KBTBD12: variants seen among roughly 807,000 people sequenced by gnomAD.
KBTBD12 encodes kelch repeat and BTB domain containing 12.
KBTBD12 carries 53 observed loss-of-function variants against 58.7 expected under a neutral mutation model. The ratio of observed to expected loss-of-function variants is 0.90; its 90% CI spans 0.72 to 1.14. KBTBD12 has a LOEUF of 1.14. Among genes scored for constraint, KBTBD12 ranks in the 50% most tolerant of loss-of-function variants. The probability of loss-of-function intolerance (pLI) is 0.00; values close to 1 mark genes in which losing one functional copy is unlikely to be tolerated. For synonymous variants in KBTBD12, 236 were observed against 259.8 expected, an observed-to-expected ratio of 0.91 and a Z score of 0.88; for missense variants, 704 against 751.3, an observed-to-expected ratio of 0.94 and a Z score of 0.74.
intron 1 of KBTBD12, among the ~76,000 whole-genome samples, chr3:127,919,761 G>T (rs952415172): frequency 6.6e-6 from 1 of 151,652 alleles, no homozygotes; most frequent in Non-Finnish European, 1.5e-5. Flanking sequence ...GAAAATTCAT[G>T]ATGTATCTAT....
chr3:127,963,032 C>T (rs2107610073), intron 4 of KBTBD12, among the ~76,000 whole-genome samples, 157 bp from the exon 5 acceptor site: 1 of 152,332 alleles, frequency 6.6e-6, no homozygotes, highest in Non-Finnish European at 1.5e-5. Flanking sequence ...CAGTAGACAT[C>T]ACTATTGCTT....
At chr3:127,945,215 C>T (rs1266731579) in intron 4 of KBTBD12, among the ~76,000 whole-genome samples, 10 of 95,100 alleles carry the variant, frequency 1.1e-4, no homozygotes, top group Non-Finnish European at 1.9e-4. Context: ...GACGGAGTCT[C>T]GCTCTGTCGC....
At position 127,985,662 on chromosome 3, in the gene KBTBD12, C is replaced by T. The variant is rs1467466475; in HGVS notation, c.*1384C>T. 6.6e-6 allele frequency: 1 copy of T among 152,354 alleles called. No homozygotes were observed. The highest frequency in any genetic ancestry group is 1.5e-5 in the Non-Finnish European group (1 of 68,176). The allele number at this position is 152,354 out of a possible 1,614,324, so 9.4% of individuals were successfully genotyped here. On this transcript the variant is annotated 3_prime_UTR_variant, in exon 6 of 6. Coordinates refer to ENST00000405109, the MANE Select transcript of KBTBD12 (RefSeq NM_207335.4). ...GCAGGACAGGCAGGTCTTGCCAAAA[C>T]TGGAGCCTGTTGGAAACCTATTTCT...
At chr3:127,946,866 C>T (rs1940094732) in intron 4 of KBTBD12, among the ~76,000 whole-genome samples, 1 of 152,150 alleles carries the variant, frequency 6.6e-6, no homozygotes, top group Non-Finnish European at 1.5e-5. Flanking sequence ...GAACTATCTT[C>T]AAGTTCACTT....
At chr3:127,926,397 C>A (rs1048386216) in intron 2 of KBTBD12, among the ~76,000 whole-genome samples, 1 of 152,124 alleles carries the variant, frequency 6.6e-6, no homozygotes, top group Non-Finnish European at 1.5e-5. Flanking sequence ...ATTACAGATA[C>A]CTATTCCTCC....
At chr3:127,956,751 C>T (rs1392778947) in intron 4 of KBTBD12, among the ~76,000 whole-genome samples, 1 of 152,144 alleles carries the variant, frequency 6.6e-6, no homozygotes, top group Non-Finnish European at 1.5e-5. Context: ...AGTTGTACAA[C>T]TATACAATCT....
rs184092172 is a variant in KBTBD12 at position 127,964,400 on chromosome 3, G to A, written c.1690+1014G>A. Among the ~76,000 whole-genome samples the A allele has an allele frequency of 6.9e-3, 1,045 of 151,886 alleles. 10 individuals carry two copies. Among genetic ancestry groups the A allele is most frequent in the African/African-American group, 0.024 (975 of 41,402 alleles). On this transcript the variant is annotated intron_variant, in intron 5 of 5. Coordinates refer to ENST00000405109, the MANE Select transcript of KBTBD12 (RefSeq NM_207335.4). ...TGTAATCCTAGCACTTTGGGAGGCC[G>A]AGGCAGGCAGATCACAAGGTCAGGA...
At chr3:127,925,858 A>G (rs760214951) in intron 2 of KBTBD12, among the ~76,000 whole-genome samples, 1 of 152,198 alleles carries the variant, frequency 6.6e-6, no homozygotes, top group Non-Finnish European at 1.5e-5. Context: ...TGTGATATGC[A>G]TAAGAAATTT....
intron 4 of KBTBD12, among the ~76,000 whole-genome samples, chr3:127,953,988 CT>C (rs34790940): frequency 1.3e-5 from 2 of 151,828 alleles, no homozygotes; most frequent in Admixed American, 6.6e-5. Flanking sequence ...TTCCTTTTGA[CT>C]TTTTTTTCCT....
At position 127,962,499 on chromosome 3, in the gene KBTBD12, C is replaced by T. The variant is rs114086327; in HGVS notation, c.1493-690C>T. 1.9e-4 allele frequency among the ~76,000 whole-genome samples: 29 copies of T among 152,296 alleles called. No individual in the cohort carries two copies. The East Asian group carries it at 2.5e-3, about 13-fold the overall frequency. ...CCTCTACTTTATTTATTTGCAAACACGGCCCTTTCCATCCTATTAATTTCT... is the reference window on the plus strand; with the variant it reads ...CCTCTACTTTATTTATTTGCAAACATGGCCCTTTCCATCCTATTAATTTCT... On this transcript the variant is annotated intron_variant, in intron 4 of 5. Coordinates refer to ENST00000405109, the MANE Select transcript of KBTBD12 (RefSeq NM_207335.4).
At chr3:127,972,819 T>C (rs1315221698) in intron 5 of KBTBD12, among the ~76,000 whole-genome samples, 1 of 152,208 alleles carries the variant, frequency 6.6e-6, no homozygotes, top group African/African-American at 2.4e-5. Flanking sequence ...TGACTATAAT[T>C]GACTGAAACA....
intron 5 of KBTBD12, among the ~76,000 whole-genome samples, chr3:127,964,640 CAAAAAAA>C (rs34230294): frequency 9.0e-6 from 1 of 111,142 alleles, no homozygotes; most frequent in Non-Finnish European, 1.9e-5. Flanking sequence ...GACTCCATCT[CAAAAAAA>C]AAAAAAAAAA....
chr3:127,964,935 G>A (rs1406316254), intron 5 of KBTBD12, among the ~76,000 whole-genome samples: 1 of 152,204 alleles, frequency 6.6e-6, no homozygotes, highest in Non-Finnish European at 1.5e-5. Context: ...GCCCAACAAG[G>A]AATCCTAATA....
intron 1 of KBTBD12, among the ~76,000 whole-genome samples, chr3:127,918,155 A>G (rs1352238117): frequency 2.0e-5 from 3 of 152,228 alleles, no homozygotes; most frequent in Non-Finnish European, 4.4e-5. Context: ...TCTAAAATAA[A>G]TAAGTAAACA....
At chr3:127,931,125 G>A (rs1939690752) in intron 4 of KBTBD12, among the ~76,000 whole-genome samples, 1 of 152,018 alleles carries the variant, frequency 6.6e-6, no homozygotes, top group African/African-American at 2.4e-5. Flanking sequence ...GGAAGATGAT[G>A]GATAGCAAAG....
chr3:127,923,560 G>A lies in KBTBD12; in HGVS notation c.499G>A (p.Glu167Lys), dbSNP rs549813497. ...YQHFAEVSLH[E>K]EILEIEVHQF... ...GCACTTTGCCGAGGTGAGCTTACAT[G>A]AAGAAATACTAGAAATCGAAGTGCA... is the stretch of plus-strand genomic sequence containing the variant. The change falls in exon 2 of 6, where the codon GAA (glutamate) becomes AAA (lysine). Residue 167 changes from glutamate (E) to lysine (K), a missense_variant. Coordinates refer to ENST00000405109, the MANE Select transcript of KBTBD12 (RefSeq NM_207335.4). 28 of 1,613,244 alleles carry A rather than the reference G, an allele frequency of 1.7e-5. No homozygotes were observed. In the South Asian group the frequency reaches 2.7e-4, roughly 16 times the overall value.
intron 4 of KBTBD12, among the ~76,000 whole-genome samples, chr3:127,936,947 G>A (rs1444687387): frequency 6.6e-6 from 1 of 151,814 alleles, no homozygotes; most frequent in Non-Finnish European, 1.5e-5. Context: ...TACCCAAGTG[G>A]GAAAAAAGAA....
chr3:127,952,262 A>G (rs946566630), intron 4 of KBTBD12, among the ~76,000 whole-genome samples: 1 of 152,220 alleles, frequency 6.6e-6, no homozygotes, highest in African/African-American at 2.4e-5. Flanking sequence ...GATCTGTCCA[A>G]TTTTAAAGTT....
intron 4 of KBTBD12, among the ~76,000 whole-genome samples, chr3:127,955,301 T>C (rs754404520): frequency 5.3e-5 from 8 of 152,180 alleles, no homozygotes; most frequent in African/African-American, 9.7e-5. Context: ...TTGTGCCTCA[T>C]TGGTTTACTG....
Sources: gnomAD v4.1 joint callset for allele counts (sites outside exome capture counted in the v4.1 genomes callset) on GRCh38, gnomAD v4.1.1 for gene constraint, MANE v1.5 for transcripts, NCBI Gene and HGNC (gene_info 2026-07-23, HGNC 2026-07-21) for gene names.